ADGRL2: variants seen among roughly 807,000 people sequenced by gnomAD.
ADGRL2 encodes the protein calcium-independent alpha-latrotoxin receptor 2.
ADGRL2 carries 44 observed loss-of-function variants against 157.4 expected under a neutral mutation model. That is an observed-to-expected ratio of 0.28 (90% CI 0.22 to 0.36). ADGRL2 has a LOEUF of 0.36. ADGRL2 is among the 10% of genes least tolerant of loss of function. The pLI is 1.00. For missense variants in ADGRL2, 1,510 were observed against 1,768.9 expected, an observed-to-expected ratio of 0.85 and a Z score of 2.63; for synonymous variants, 585 against 624.7, an observed-to-expected ratio of 0.94 and a Z score of 0.95.
chr1:81,489,492 A>G (rs902884443), intron 2 of ADGRL2, among the ~76,000 whole-genome samples: 4 of 152,190 alleles, frequency 2.6e-5, no homozygotes, highest in Admixed American at 6.5e-5. Context: ...ACAGACCAAC[A>G]TACACACTGT....
Position 81,836,989 on chromosome 1 carries a change from T to C in ADGRL2, c.5T>C (p.Val2Ala). M[V>A]SSGCRMRSLW... ...AAATACTTAAAGGGATCAATAATGG[T>C]GTCTTCTGGTTGCAGAATGCGAAGT... is the stretch of plus-strand genomic sequence containing the variant. Residue 2 changes from valine to alanine, a missense_variant, in exon 2 of 24, where the codon GTG (valine) becomes GCG (alanine). Transcript: ENST00000686636. 2 of 1,583,632 alleles carry C rather than the reference T, an allele frequency of 1.3e-6. No homozygotes were observed. The highest frequency in any genetic ancestry group is 1.7e-6 in the Non-Finnish European group (2 of 1,164,038).
chr1:81,577,374 T>C (rs2080818694), intron 2 of ADGRL2, among the ~76,000 whole-genome samples: 1 of 152,192 alleles, frequency 6.6e-6, no homozygotes, highest in African/African-American at 2.4e-5. Context: ...TTCTGTATGT[T>C]TCACGTGGTT....
intron 2 of ADGRL2, among the ~76,000 whole-genome samples, chr1:81,880,288 G>A (rs1473344958): frequency 6.6e-6 from 1 of 152,048 alleles, no homozygotes; most frequent in Non-Finnish European, 1.5e-5. Flanking sequence ...GACACTTTCT[G>A]TCTTTTTAAG....
chr1:81,989,748 G>A, intron 23 of ADGRL2: 7 of 1,603,216 alleles, frequency 4.4e-6, no homozygotes, highest in South Asian at 1.1e-5. Flanking sequence ...GATGTTGGAT[G>A]GTGCTTGTGG....
chr1:81,513,846 A>G (rs866372151), intron 2 of ADGRL2: 4 of 152,212 alleles, frequency 2.6e-5, no homozygotes, highest in Non-Finnish European at 4.4e-5. Flanking sequence ...GGACAGCTCT[A>G]TAGACAACAA....
rs1651413132 is a variant in ADGRL2 at position 81,950,467 on chromosome 1, C to T, written c.1489C>T (p.Pro497Ser). The stretch of plus-strand genomic sequence containing the variant: ...GGGAATGATGGTTGAACGACCATGC[C>T]CTAAGGGAACAAGAGGTATTTTCTA... ...QRGMMVERPC[P>S]KGTRGTASYL... Residue 497 changes from proline (P) to serine (S), a missense_variant, in exon 7 of 24, where the codon CCT becomes TCT. By Grantham distance (74) the Pro-to-Ser change is moderately conservative. This residue lies in a region of ADGRL2 where 325 missense variants were observed against 333.2 expected (regional missense o/e 0.98). Coordinates refer to ENST00000686636, the MANE Select transcript of ADGRL2 (RefSeq NM_001366006.2). 1 of 1,613,060 alleles carries T rather than the reference C, an allele frequency of 6.2e-7. No individual in the cohort carries two copies.
chr1:81,698,848 CA>C (rs1199797528), upstream of ADGRL2, among the ~76,000 whole-genome samples: 1 of 152,130 alleles, frequency 6.6e-6, no homozygotes, highest in African/African-American at 2.4e-5. Context: ...GCCTGAATTC[CA>C]TTTACATACA....
chr1:81,463,150 A>T, intron 2 of ADGRL2, among the ~76,000 whole-genome samples: 1 of 151,748 alleles, frequency 6.6e-6, no homozygotes, highest in East Asian at 1.9e-4. Flanking sequence ...AGAAAAGAAA[A>T]AACAAGTTGT....
intron 2 of ADGRL2, among the ~76,000 whole-genome samples, chr1:81,772,406 T>C (rs553739465): frequency 6.6e-6 from 1 of 152,076 alleles, no homozygotes; most frequent in African/African-American, 2.4e-5. Flanking sequence ...ATGACATTTA[T>C]GTACCAAGCT....
chr1:81,929,014 A>T (rs1335186617), intron 3 of ADGRL2, among the ~76,000 whole-genome samples: 3 of 152,214 alleles, frequency 2.0e-5, no homozygotes, highest in African/African-American at 7.2e-5. Context: ...TGCAGACTCA[A>T]TAAAGGATTG....
chr1:81,863,289 C>G (rs1348658309), intron 2 of ADGRL2, among the ~76,000 whole-genome samples: 1 of 152,114 alleles, frequency 6.6e-6, no homozygotes, highest in Non-Finnish European at 1.5e-5. Context: ...TACTGTCTTG[C>G]AAGCTTTTGA....
chr1:81,554,480 C>CTT (rs397964484), intron 2 of ADGRL2, among the ~76,000 whole-genome samples: 4 of 146,220 alleles, frequency 2.7e-5, no homozygotes, highest in Admixed American at 1.4e-4. Context: ...ATTACTTTCT[C>CTT]TTTTTTTTTT....
At chr1:81,451,895 A>T (rs967211429) in intron 2 of ADGRL2, among the ~76,000 whole-genome samples, 1 of 152,186 alleles carries the variant, frequency 6.6e-6, no homozygotes, top group Non-Finnish European at 1.5e-5. Flanking sequence ...AAAATAATAC[A>T]CCTGTCTTTC....
intron 1 of ADGRL2, among the ~76,000 whole-genome samples, chr1:81,836,104 G>T (rs926916818): frequency 6.6e-6 from 1 of 151,992 alleles, no homozygotes; most frequent in Non-Finnish European, 1.5e-5. Flanking sequence ...TGACAGCATC[G>T]AAATGATGTA....
intron 1 of ADGRL2, among the ~76,000 whole-genome samples, chr1:81,400,064 C>T (rs972411459): frequency 8.0e-4 from 121 of 152,080 alleles, no homozygotes; most frequent in African/African-American, 1.9e-3. Flanking sequence ...AATAACTATG[C>T]ATGCTTCAGT....
intron 3 of ADGRL2, among the ~76,000 whole-genome samples, chr1:81,645,830 C>T (rs72937233): frequency 0.066 from 10,045 of 151,960 alleles, 379 homozygotes; most frequent in African/African-American, 0.1. Context: ...CACATCTTAG[C>T]GTGTATCTCT....
chr1:81,314,405 G>A (rs1659966250), intron 1 of ADGRL2, among the ~76,000 whole-genome samples: 1 of 152,156 alleles, frequency 6.6e-6, no homozygotes, highest in Non-Finnish European at 1.5e-5. Flanking sequence ...GCTTGAGAAA[G>A]GAGAGAGTGG....
intron 1 of ADGRL2, among the ~76,000 whole-genome samples, chr1:81,829,175 G>T (rs1490492091): frequency 6.6e-6 from 1 of 152,170 alleles, no homozygotes; most frequent in Admixed American, 6.5e-5. Context: ...GCCTCCCAAA[G>T]TGCTGAGATT....
At chr1:81,810,585 AC>A (rs1475518524) in intron 1 of ADGRL2, among the ~76,000 whole-genome samples, 2 of 151,918 alleles carry the variant, frequency 1.3e-5, no homozygotes, top group East Asian at 3.9e-4. Flanking sequence ...TTTAGTTCTT[AC>A]AATTCCTGAC....
Sources: allele counts gnomAD v4.1 joint callset (sites outside exome capture counted in the v4.1 genomes callset), GRCh38; gene constraint gnomAD v4.1.1; regional missense constraint gnomAD v4.1.1; transcripts MANE v1.5; gene names NCBI Gene and HGNC (gene_info 2026-07-23, HGNC 2026-07-21).